The following AVPI1 variants were observed in gnomAD, a reference collection of about 807,000 sequenced individuals.
AVPI1 encodes arginine vasopressin induced 1.
AVPI1 carries 9 observed loss-of-function variants against 11.9 expected under a neutral mutation model. The observed-to-expected ratio is 0.76, with a 90% confidence interval of 0.46 to 1.32. The LOEUF is 1.32. Ranked by LOEUF, AVPI1 falls within the 40% of genes most tolerant of loss-of-function variation. AVPI1 has a pLI of 0.00. For synonymous variants in AVPI1, 68 were observed against 78.1 expected (o/e 0.87, Z 0.68); for missense variants, 207 against 195.8 (o/e 1.06, Z -0.34).
In AVPI1 at chr10:97,677,813, T is replaced by C. The variant is rs1469717708; in HGVS notation, c.*56A>G. 1 of 1,596,402 alleles carries C rather than the reference T, an allele frequency of 6.3e-7. No individual in the cohort carries two copies. The highest frequency in any genetic ancestry group is 2.2e-5 in the East Asian group (1 of 44,720). On this transcript the variant is annotated 3_prime_UTR_variant, in exon 3 of 3. Coordinates refer to ENST00000370626, the MANE Select transcript of AVPI1 (RefSeq NM_021732.3). ...TGCCTAAAGTCTCTCTTCCTTCACC[T>C]CCCCAGGCCTTTTGGCAAGAGGGAA...
Position 97,679,624 on chromosome 10 carries a change from G to A in AVPI1, c.282C>T (p.Arg94=). 1 of 1,609,542 alleles carries A rather than the reference G, an allele frequency of 6.2e-7. No individual in the cohort carries two copies. Among genetic ancestry groups the A allele is most frequent in the Non-Finnish European group, 8.5e-7 (1 of 1,177,458 alleles). The change falls in exon 2 of 3, where the codon CGC becomes CGT. Residue 94 remains arginine (R), a synonymous_variant. Coordinates refer to ENST00000370626, the MANE Select transcript of AVPI1 (RefSeq NM_021732.3). ...PLGHSLHHCS[R]LRILEPHSAL... is the part of the protein sequence containing the mutation. ...ATCCGGTTCTAGGAACCTACCTGAG[G>A]CGGCTGCAGTGGTGTAGCGAGTGGC...
chr10:97,678,880 GGTGTGTGT>G (rs1255604041), intron 2 of AVPI1, among the ~76,000 whole-genome samples: 4 of 113,444 alleles, frequency 3.5e-5, no homozygotes, highest in Non-Finnish European at 5.4e-5. Context: ...GCGGGGGGAG[GGTGTGTGT>G]GTGTGTGTGT....
chr10:97,678,154 G>T, intron 2 of AVPI1, 129 bp from the exon 3 acceptor site: 1 of 1,017,610 alleles, frequency 9.8e-7, no homozygotes, highest in Non-Finnish European at 1.4e-6. Flanking sequence ...CTCTGCTCTG[G>T]TCTTTCCCCC....
chr10:97,683,219 G>T (rs2041713174), intron 1 of AVPI1, among the ~76,000 whole-genome samples: 3 of 151,952 alleles, frequency 2.0e-5, no homozygotes, highest in Admixed American at 2.0e-4. Context: ...GTGCAGTGTT[G>T]CAATCTCAGC....
At chr10:97,679,041 G>A (rs1291809863) in intron 2 of AVPI1, among the ~76,000 whole-genome samples, 1 of 141,912 alleles carries the variant, frequency 7.0e-6, no homozygotes, top group South Asian at 2.4e-4. Context: ...AGGCTGGTAA[G>A]CTGAGAATAA....
At chr10:97,678,936 T>TTTTCAGA in intron 2 of AVPI1, among the ~76,000 whole-genome samples, 1 of 28,436 alleles carries the variant, frequency 3.5e-5, no homozygotes, top group African/African-American at 1.3e-4. Context: ...TGTGTGTGTG[T>TTTTCAGA]GTGTGTGTGT....
intron 2 of AVPI1, among the ~76,000 whole-genome samples, 172 bp downstream of exon 2, chr10:97,679,447 C>G (rs2041690811): frequency 6.6e-6 from 1 of 152,158 alleles, no homozygotes; most frequent in Non-Finnish European, 1.5e-5. Flanking sequence ...CCACCAACAG[C>G]AATCTCTTAA....
At chr10:97,680,317 A>G (rs914311364) in intron 1 of AVPI1, among the ~76,000 whole-genome samples, 1 of 152,348 alleles carries the variant, frequency 6.6e-6, no homozygotes, top group Admixed American at 6.5e-5. Flanking sequence ...CACCTGTAAC[A>G]GCTTGCTTCA....
At chr10:97,678,153 G>T in intron 2 of AVPI1, 128 bp from the exon 3 acceptor site, 1 of 1,020,284 alleles carries the variant, frequency 9.8e-7, no homozygotes, top group Non-Finnish European at 1.4e-6. Context: ...GCTCTGCTCT[G>T]GTCTTTCCCC....
chr10:97,685,860 G>A (rs2041726226), intron 1 of AVPI1, among the ~76,000 whole-genome samples: 1 of 152,100 alleles, frequency 6.6e-6, no homozygotes. Flanking sequence ...TATATGACCT[G>A]GAAATAAACT....
intron 1 of AVPI1, among the ~76,000 whole-genome samples, chr10:97,682,207 C>T (rs1004539258): frequency 8.5e-5 from 13 of 152,174 alleles, no homozygotes; most frequent in Non-Finnish European, 1.8e-4. Context: ...GGTAAACCCT[C>T]CTCTTTCCTC....
chr10:97,679,643 G>T lies in AVPI1; in HGVS notation c.263C>A (p.Ser88Ter), dbSNP rs2041692110. The T allele has an allele frequency of 6.2e-7, 1 of 1,613,128 alleles. No individual in the cohort carries two copies. Among genetic ancestry groups the T allele is most frequent in the Non-Finnish European group, 8.5e-7 (1 of 1,179,680 alleles). The change falls in exon 2 of 3, where the codon TCG (serine) becomes TAG (stop). Residue 88 changes from serine to a stop codon, truncating the protein, a stop_gained. Transcript: ENST00000370626. LOFTEE classifies it high-confidence loss of function. ...CCTGAGGCGGCTGCAGTGGTGTAGC[G>T]AGTGGCCCAGGGGTTTCTGCCTTGG... ...RPPRQKPLGH[S>*]LHHCSRLRIL...
Position 97,679,615 on chromosome 10 carries a change from C to T in AVPI1, c.287+4G>A, listed in dbSNP as rs1160352999. The stretch of plus-strand genomic sequence containing the variant: ...CCCTCAGCCATCCGGTTCTAGGAAC[C>T]TACCTGAGGCGGCTGCAGTGGTGTA... On this transcript the variant is annotated splice_donor_region_variant and intron_variant, in intron 2 of 2. Coordinates refer to ENST00000370626, the MANE Select transcript of AVPI1 (RefSeq NM_021732.3). The T allele has an allele frequency of 1.2e-6, 2 of 1,606,572 alleles. No homozygotes were observed. The highest frequency in any genetic ancestry group is 1.7e-6 in the Non-Finnish European group (2 of 1,175,684).
chr10:97,679,769 C>T lies in AVPI1; in HGVS notation c.137G>A (p.Ser46Asn). 1 of 1,614,140 alleles carries T rather than the reference C, an allele frequency of 6.2e-7. No individual in the cohort carries two copies. Among genetic ancestry groups the T allele is most frequent in the Non-Finnish European group, 8.5e-7 (1 of 1,180,026 alleles). ...CCGTTCCTCGGCCAGCTGGTCCCCG[C>T]TGCGTTGAAACAGGGCTTGGATCTG... Reference protein sequence around the residue: ...LLQIQALFQRSGDQLAEERAQ... With the variant: ...LLQIQALFQRNGDQLAEERAQ... The change falls in exon 2 of 3, where the codon AGC becomes AAC. Residue 46 changes from serine to asparagine, a missense_variant. Physicochemically the swap from Ser to Asn is conservative, Grantham distance 46. Transcript: ENST00000370626.
In AVPI1 at chr10:97,678,382, G is replaced by A. The variant is rs551110159; in HGVS notation, c.288-357C>T. On this transcript the variant is annotated intron_variant, in intron 2 of 2. Coordinates refer to ENST00000370626, the MANE Select transcript of AVPI1 (RefSeq NM_021732.3). Reference sequence around the variant, plus strand: ...ACACTGACTTGCCATCTCAGGACCTGATGACCTCCAAAGGCCTGTTTAGGT... The same window carrying A: ...ACACTGACTTGCCATCTCAGGACCTAATGACCTCCAAAGGCCTGTTTAGGT... 2.0e-5 allele frequency among the ~76,000 whole-genome samples: 3 copies of A among 152,280 alleles called. No individual in the cohort carries two copies. In the East Asian group the frequency reaches 5.8e-4, roughly 29 times the overall value.
In AVPI1 at chr10:97,687,200, C is replaced by A. The variant is rs1340013222; in HGVS notation, c.-445G>T. 6.6e-5 allele frequency: 10 copies of A among 152,438 alleles called. No homozygotes were observed. Among genetic ancestry groups the A allele is most frequent in the Admixed American group, 2.6e-4 (4 of 15,290 alleles). 9.4% of individuals were successfully genotyped at this position (152,438 alleles called of 1,614,324 possible). On this transcript the variant is annotated 5_prime_UTR_variant, in exon 1 of 3. Coordinates refer to ENST00000370626, the MANE Select transcript of AVPI1 (RefSeq NM_021732.3). Reference sequence around the variant, plus strand: ...GCCGCGGTTCCCGGGAGAAAGCGCTCCCTAGCCCCGGAACAGCCAATCCTC... The same window carrying A: ...GCCGCGGTTCCCGGGAGAAAGCGCTACCTAGCCCCGGAACAGCCAATCCTC...
chr10:97,685,581 T>C (rs567514891), intron 1 of AVPI1, among the ~76,000 whole-genome samples: 35 of 152,206 alleles, frequency 2.3e-4, no homozygotes, highest in Non-Finnish European at 3.2e-4. Flanking sequence ...TAGGGGCTCT[T>C]AGAAAAATTA....
At chr10:97,678,924 T>TTCA (rs1564779842) in intron 2 of AVPI1, among the ~76,000 whole-genome samples, 3 of 17,564 alleles carry the variant, frequency 1.7e-4, no homozygotes, top group Non-Finnish European at 2.6e-4. Flanking sequence ...TGTGTGTGTG[T>TTCA]GTGTGTGTGT....
Position 97,679,786 on chromosome 10 carries a change from T to C in AVPI1, c.120A>G (p.Gln40=). 1 of 1,613,914 alleles carries C rather than the reference T, an allele frequency of 6.2e-7. No homozygotes were observed. The change falls in exon 2 of 3, where the codon CAA becomes CAG. Residue 40 remains glutamine, a synonymous_variant. Transcript: ENST00000370626. ...IFQDAELLQI[Q]ALFQRSGDQL... ...GGTCCCCGCTGCGTTGAAACAGGGC[T>C]TGGATCTGCAGCAGCTCGGCGTCCT... is the stretch of plus-strand genomic sequence containing the variant.
Sources: allele counts gnomAD v4.1 joint callset (sites outside exome capture counted in the v4.1 genomes callset), GRCh38; gene constraint gnomAD v4.1.1; transcripts MANE v1.5; gene names NCBI Gene and HGNC (gene_info 2026-07-23, HGNC 2026-07-21).